GLI3: variants seen among roughly 807,000 people sequenced by gnomAD.
GLI3 encodes the protein GLI family zinc finger 3.
In GLI3, 20 loss-of-function variants were observed where a neutral mutation model predicts 100.8. That is an observed-to-expected ratio of 0.20 (90% confidence interval 0.14 to 0.29). The LOEUF is 0.29. Ranked by LOEUF, GLI3 falls within the 10% of genes least tolerant of loss-of-function variation. The probability of loss-of-function intolerance (pLI) is 1.00; values close to 1 mark genes in which losing one functional copy is unlikely to be tolerated. For synonymous variants in GLI3, 938 were observed against 860.5 expected (o/e 1.09, Z -1.58); for missense variants, 2,040 against 2,128.5 (o/e 0.96, Z 0.82).
At chr7:42,016,033 C>T (rs1439829771) in intron 10 of GLI3, among the ~76,000 whole-genome samples, 1 of 152,074 alleles carries the variant, frequency 6.6e-6, no homozygotes, top group Non-Finnish European at 1.5e-5. Flanking sequence ...AGGGAATGCG[C>T]AGGACAGCCT....
intron 2 of GLI3, among the ~76,000 whole-genome samples, chr7:42,218,838 T>C (rs1788427537): frequency 6.6e-6 from 1 of 152,220 alleles, no homozygotes; most frequent in Admixed American, 6.5e-5. Flanking sequence ...CGTTTATCAT[T>C]AGTTTCTTTT....
chr7:42,262,627 A>G (rs1445816333), intron 1 of GLI3, among the ~76,000 whole-genome samples: 1 of 152,188 alleles, frequency 6.6e-6, no homozygotes, highest in Non-Finnish European at 1.5e-5. Flanking sequence ...TCACTGGTTC[A>G]GCATGTTTAA....
At chr7:42,113,827 C>T (rs1039472774) in intron 3 of GLI3, among the ~76,000 whole-genome samples, 18 of 152,208 alleles carry the variant, frequency 1.2e-4, no homozygotes, top group African/African-American at 4.3e-4. Context: ...GTGGGGAAAA[C>T]ACCTTTCCCT....
chr7:42,150,624 G>C (rs1583601235), intron 2 of GLI3, among the ~76,000 whole-genome samples: 1 of 152,134 alleles, frequency 6.6e-6, no homozygotes, highest in Admixed American at 6.5e-5. Context: ...CCTCAGGGGG[G>C]CTCTGACACA....
intron 4 of GLI3, among the ~76,000 whole-genome samples, chr7:42,051,461 C>T (rs1480252981): frequency 6.6e-6 from 1 of 152,194 alleles, no homozygotes; most frequent in Non-Finnish European, 1.5e-5. Context: ...TATACACATA[C>T]ATCCATATGT....
intron 10 of GLI3, among the ~76,000 whole-genome samples, chr7:42,008,484 C>T (rs1788522917): frequency 6.6e-6 from 1 of 152,200 alleles, no homozygotes; most frequent in Non-Finnish European, 1.5e-5. Flanking sequence ...CTATGTTGCA[C>T]AGGTTGGAGC....
intron 1 of GLI3, among the ~76,000 whole-genome samples, chr7:42,249,265 A>C (rs544748778): frequency 3.9e-5 from 6 of 152,338 alleles, no homozygotes; most frequent in Admixed American, 6.5e-5. Context: ...CATAGAGCAT[A>C]CACGAAAGAA....
At chr7:42,209,701 T>C (rs2128696473) in intron 2 of GLI3, among the ~76,000 whole-genome samples, 1 of 152,254 alleles carries the variant, frequency 6.6e-6, no homozygotes, top group Middle Eastern at 3.4e-3. Context: ...GCAGAATCTT[T>C]TGAATTCTTA....
At chr7:42,166,650 CTTTTTTTTTT>C (rs1203814510) in intron 2 of GLI3, among the ~76,000 whole-genome samples, 1 of 80,274 alleles carries the variant, frequency 1.2e-5, no homozygotes, top group East Asian at 3.6e-4. Flanking sequence ...GTTCTGATTC[CTTTTTTTTTT>C]TTTTTTTTTT....
chr7:41,990,610 A>C (rs1179981164), intron 10 of GLI3, among the ~76,000 whole-genome samples: 2 of 152,230 alleles, frequency 1.3e-5, no homozygotes, highest in South Asian at 4.1e-4. Flanking sequence ...CATAGTTACA[A>C]TAAAATGTAT....
At chr7:42,020,328 G>A (rs1427219458) in intron 10 of GLI3, among the ~76,000 whole-genome samples, 3 of 152,158 alleles carry the variant, frequency 2.0e-5, no homozygotes, top group Non-Finnish European at 2.9e-5. Context: ...CTCAACGACT[G>A]AACCAGAACA....
chr7:42,077,042 G>C (rs754176964), intron 3 of GLI3, among the ~76,000 whole-genome samples, 185 bp from the exon 4 acceptor site: 2 of 152,156 alleles, frequency 1.3e-5, no homozygotes, highest in Non-Finnish European at 2.9e-5. Context: ...GACTAAGTAA[G>C]TAGTGCCTGC....
intron 2 of GLI3, among the ~76,000 whole-genome samples, chr7:42,200,428 G>A (rs907993734): frequency 6.6e-6 from 1 of 152,132 alleles, no homozygotes; most frequent in African/African-American, 2.4e-5. Flanking sequence ...GTAAGTACTT[G>A]CGGAAGAAGA....
intron 1 of GLI3, among the ~76,000 whole-genome samples, chr7:42,232,405 A>G (rs931030307): frequency 6.6e-6 from 1 of 152,236 alleles, no homozygotes; most frequent in Non-Finnish European, 1.5e-5. Context: ...GACAGAGTAC[A>G]CTTTCAAAGC....
At position 42,255,648 on chromosome 7, in the gene GLI3, G is replaced by A. The variant is rs139673219; in HGVS notation, c.-43+8346C>T. ...GCATTTATGTGTAGCGTATTTATTC[G>A]TCTTCATTGCTGAAGAGCATTCCAT... On this transcript the variant is annotated intron_variant, in intron 1 of 2. Coordinates refer to the GLI3 transcript ENST00000678978. Among the ~76,000 whole-genome samples the A allele has an allele frequency of 8.5e-5, 13 of 152,104 alleles. No homozygotes were observed. In the East Asian group the frequency reaches 2.3e-3, roughly 27 times the overall value.
rs1787384282 is a variant in GLI3 at position 41,972,309 on chromosome 7, GA to G, written c.2103+27del. 1 of 1,603,010 alleles carries G rather than the reference GA, an allele frequency of 6.2e-7. No homozygotes were observed. The highest frequency in any genetic ancestry group is 8.5e-7 in the Non-Finnish European group (1 of 1,170,430). ...TGGCTCTTTTAAATGGGCCTGCTGT[GA>G]AGTCAGAAGGAGAGTGAATGACATA... On this transcript the variant is annotated intron_variant, in intron 13 of 14. Transcript: ENST00000395925. The surrounding 1 kb of genome is among the most constrained non-coding windows in gnomAD (Gnocchi z 4.4).
chr7:42,026,734 T>C (rs1216744488), intron 7 of GLI3, among the ~76,000 whole-genome samples: 1 of 152,234 alleles, frequency 6.6e-6, no homozygotes, highest in African/African-American at 2.4e-5. Context: ...CTACATGCTT[T>C]ATAGGACTTT....
chr7:42,228,827 A>C (rs1201427515), intron 1 of GLI3, among the ~76,000 whole-genome samples: 1 of 152,196 alleles, frequency 6.6e-6, no homozygotes, highest in Non-Finnish European at 1.5e-5. Context: ...AATGGCTAAG[A>C]CAGACACATC....
At chr7:41,985,301 G>T (rs1485828772) in intron 10 of GLI3, among the ~76,000 whole-genome samples, 1 of 152,346 alleles carries the variant, frequency 6.6e-6, no homozygotes, top group South Asian at 2.1e-4. Context: ...TACCAGGTGA[G>T]CTCATAAATG....
Sources: allele counts gnomAD v4.1 joint callset (sites outside exome capture counted in the v4.1 genomes callset), GRCh38; gene constraint gnomAD v4.1.1; non-coding constraint Gnocchi (gnomAD v3.1); transcripts MANE v1.5; gene names NCBI Gene and HGNC (gene_info 2026-07-23, HGNC 2026-07-21).